Variants in TNRC18 observed in about 807,000 individuals in gnomAD.
TNRC18 encodes the protein trinucleotide repeat containing 18, also known as trinucleotide repeat-containing gene 18 protein.
A neutral mutation model predicts 226.7 loss-of-function variants in TNRC18; 69 were observed. The ratio of observed to expected loss-of-function variants is 0.30; its 90% CI spans 0.25 to 0.37. The LOEUF (loss-of-function observed/expected upper bound fraction) is 0.37. TNRC18 is among the 10% of genes least tolerant of loss of function. The probability of loss-of-function intolerance (pLI) is 1.00; values close to 1 mark genes in which losing one functional copy is unlikely to be tolerated. For synonymous variants in TNRC18, 2,449 were observed against 1,927.6 expected (o/e 1.27, Z -7.09); for missense variants, 4,754 against 4,256.6 (o/e 1.12, Z -3.25).
At chr7:5,382,699 G>A (rs1184416509) in intron 5 of TNRC18, among the ~76,000 whole-genome samples, 4 of 152,158 alleles carry the variant, frequency 2.6e-5, no homozygotes, top group Admixed American at 6.5e-5. Flanking sequence ...CCACCCTAGA[G>A]GTGATGGGCC....
Position 5,325,084 on chromosome 7 carries a change from G to T in TNRC18, c.6300+12C>A. 6.5e-7 allele frequency: 1 copy of T among 1,549,534 alleles called. No homozygotes were observed. The highest frequency in any genetic ancestry group is 8.7e-7 in the Non-Finnish European group (1 of 1,146,884). Reference sequence around the variant, plus strand: ...CCCCCACAGCCCCCAACCAGGGCACGGTGAGCCTCACCTCCTTCTTCACCT... The same window carrying T: ...CCCCCACAGCCCCCAACCAGGGCACTGTGAGCCTCACCTCCTTCTTCACCT... On this transcript the variant is annotated intron_variant, in intron 20 of 29. Transcript: ENST00000430969.
At chr7:5,420,596 G>A (rs1404064771) in intron 2 of TNRC18, 3 of 455,240 alleles carry the variant, frequency 6.6e-6, no homozygotes, top group East Asian at 1.4e-4. Context: ...CCAGGGACCC[G>A]GCTCGGCGCG....
chr7:5,312,996 G>A lies in TNRC18; in HGVS notation c.7895C>T (p.Ser2632Phe). Residue 2632 changes from serine (S) to phenylalanine (F), a missense_variant, in exon 27 of 30, where the codon TCT becomes TTT. By Grantham distance (155) the Ser-to-Phe change is radical. Coordinates refer to ENST00000430969, the MANE Select transcript of TNRC18 (RefSeq NM_001080495.3). The surrounding 1 kb of genome is among the most constrained non-coding windows in gnomAD (Gnocchi z 6.3). The part of the protein sequence containing the change: ...SSSSSSSSSS[S>F]SSSSSSSSSS... ...GGAGGAGGAAGAGGAGGAGGAGGAA[G>A]AGGAGGATGAGGAGGAGGAGGAGGA... The A allele has an allele frequency of 1.1e-6, 1 of 945,762 alleles. No individual in the cohort carries two copies. Among genetic ancestry groups the A allele is most frequent in the Non-Finnish European group, 1.6e-6 (1 of 624,522 alleles). 58.6% of individuals were successfully genotyped at this position (945,762 alleles called of 1,614,324 possible). A position where few individuals can be genotyped will look rare whatever the true frequency, so the allele number is the denominator to read the frequency against.
rs564314390 is a variant in TNRC18, at chr7:5,310,941, C to T, written c.8388+1562G>A. On this transcript the variant is annotated intron_variant, in intron 27 of 29. Transcript: ENST00000430969. ...ATGTGTGTGCACGTGTTCGTGTGTG[C>T]ACGTGTTTGTGTGTGTGCACGTGTA... Among the ~76,000 whole-genome samples, 792 of 150,872 alleles carry T rather than the reference C, an allele frequency of 5.2e-3. 7 individuals are homozygous for T. Among genetic ancestry groups the T allele is most frequent in the African/African-American group, 0.019 (762 of 40,370 alleles).
Position 5,313,553 on chromosome 7 carries a change from C to T in TNRC18, c.7338G>A (p.Ser2446=), listed in dbSNP as rs547054275. 33 of 1,608,588 alleles carry T rather than the reference C, an allele frequency of 2.1e-5. No homozygotes were observed. Among genetic ancestry groups the T allele is most frequent in the South Asian group, 6.6e-5 (6 of 90,476 alleles). Residue 2446 remains serine (S), a synonymous_variant, in exon 27 of 30, where the codon TCG becomes TCA. Coordinates refer to ENST00000430969, the MANE Select transcript of TNRC18 (RefSeq NM_001080495.3). ...KPKKARAAEE[S]GAKGPRRPGE... Reference sequence around the variant, plus strand: ...CCGGCCTCCGAGGGCCCTTGGCACCCGACTCCTCGGCTGCCCGCGCCTTCT... The same window carrying T: ...CCGGCCTCCGAGGGCCCTTGGCACCTGACTCCTCGGCTGCCCGCGCCTTCT...
intron 29 of TNRC18, 119 bp from the exon 30 acceptor site, chr7:5,308,431 C>A (rs1178354478): frequency 5.7e-5 from 52 of 911,524 alleles, no homozygotes; most frequent in Non-Finnish European, 7.6e-5. Flanking sequence ...AGACAGAGAC[C>A]AAGTCAGAGA....
At chr7:5,417,614 G>C (rs529105254) in intron 2 of TNRC18, among the ~76,000 whole-genome samples, 1 of 152,186 alleles carries the variant, frequency 6.6e-6, no homozygotes, top group Non-Finnish European at 1.5e-5. Flanking sequence ...GGACCCGAGC[G>C]GTGCCTGGCA....
intron 2 of TNRC18, among the ~76,000 whole-genome samples, chr7:5,396,985 A>G (rs1043074915): frequency 1.2e-4 from 19 of 152,182 alleles, no homozygotes; most frequent in African/African-American, 4.1e-4. Flanking sequence ...TGAGGCAAAG[A>G]AGGGCAGGGC....
chr7:5,374,616 C>G, intron 9 of TNRC18, 132 bp from the exon 10 acceptor site: 1 of 860,690 alleles, frequency 1.2e-6, no homozygotes, highest in Non-Finnish European at 1.7e-6. Flanking sequence ...TCCAGGCTGC[C>G]CACCCCGTCC....
intron 14 of TNRC18, among the ~76,000 whole-genome samples, chr7:5,360,628 C>T (rs1179125020): frequency 6.6e-6 from 1 of 152,122 alleles, no homozygotes; most frequent in African/African-American, 2.4e-5. Context: ...GACTCAAGAA[C>T]AGGAAATTTA....
At position 5,312,929 on chromosome 7, in the gene TNRC18, AGAG is replaced by A. The variant is rs764497304; in HGVS notation, c.7959_7961del (p.Ser2671del). On this transcript the variant is annotated inframe_deletion, in exon 27 of 30. Coordinates refer to ENST00000430969, the MANE Select transcript of TNRC18 (RefSeq NM_001080495.3). The surrounding 1 kb of genome is among the most constrained non-coding windows in gnomAD (Gnocchi z 6.3). Reference sequence around the variant, plus strand: ...AGGAGGAGGAGGATGAGGACGAGGAAGAGGAGGAGGAGGAAGAGGAGGAAGACG... The same window carrying A: ...AGGAGGAGGAGGATGAGGACGAGGAAGAGGAGGAGGAAGAGGAGGAAGACG... The A allele has an allele frequency of 2.2e-4, 310 of 1,421,758 alleles. No homozygotes were observed. The highest frequency in any genetic ancestry group is 3.6e-4 in the Admixed American group (17 of 46,872). 88.1% of individuals were successfully genotyped at this position (1,421,758 alleles called of 1,614,324 possible). A position where few individuals can be genotyped will look rare whatever the true frequency, so the allele number is the denominator to read the frequency against.
Position 5,313,697 on chromosome 7 carries a change from G to A in TNRC18, c.7194C>T (p.Pro2398=), listed in dbSNP as rs771259200. ...KARPAPPQPS[P]APPAFTSCPA... is the part of the protein sequence containing the mutation. The stretch of plus-strand genomic sequence containing the variant: ...GGCAGCTGGTGAAGGCGGGTGGTGC[G>A]GGACTGGGCTGCGGCGGTGCCGGGC... Residue 2398 remains proline (P), a synonymous_variant, in exon 27 of 30, where the codon CCC becomes CCT. Transcript: ENST00000430969. 3.1e-5 allele frequency: 50 copies of A among 1,600,772 alleles called. No individual in the cohort carries two copies. Among genetic ancestry groups the A allele is most frequent in the Middle Eastern group, 4.5e-4 (2 of 4,452 alleles).
At chr7:5,354,832 G>A (rs1237223306) in intron 16 of TNRC18, among the ~76,000 whole-genome samples, 2 of 152,138 alleles carry the variant, frequency 1.3e-5, no homozygotes, top group East Asian at 3.9e-4. Context: ...GGCCCCCAAC[G>A]ACCCCGTAAA....
At chr7:5,409,433 G>C (rs918446307) in intron 2 of TNRC18, among the ~76,000 whole-genome samples, 1 of 151,612 alleles carries the variant, frequency 6.6e-6, no homozygotes, top group Non-Finnish European at 1.5e-5. Flanking sequence ...AATTAAATTC[G>C]ACAAAAACTA....
chr7:5,362,409 G>C (rs1793146138), intron 12 of TNRC18, among the ~76,000 whole-genome samples: 1 of 152,166 alleles, frequency 6.6e-6, no homozygotes, highest in African/African-American at 2.4e-5. Context: ...TCTGTTTCCA[G>C]TGGATCACAC....
rs759027890 is a variant in TNRC18, at chr7:5,405,300, G to A, written c.188-10705C>T. Among the ~76,000 whole-genome samples the A allele has an allele frequency of 3.4e-4, 52 of 151,956 alleles. 1 individual carries two copies. The highest frequency in any genetic ancestry group is 5.9e-4 in the Admixed American group (9 of 15,262). On this transcript the variant is annotated intron_variant, in intron 2 of 29. Coordinates refer to ENST00000430969, the MANE Select transcript of TNRC18 (RefSeq NM_001080495.3). ...AAAGTTAGCCAAGGCTAGGCACTGC[G>A]GCTCACACATGTAATACCAACACTT...
Position 5,393,419 on chromosome 7 carries a change from G to A in TNRC18, c.343+1021C>T, listed in dbSNP as rs1185208182. Reference sequence around the variant, plus strand: ...TGGATGGGGTCCTGTGACTAGAGACGCCTCTGGCTGAACCTGTCTCCTCCT... The same window carrying A: ...TGGATGGGGTCCTGTGACTAGAGACACCTCTGGCTGAACCTGTCTCCTCCT... On this transcript the variant is annotated intron_variant, in intron 3 of 29. Transcript: ENST00000430969. Among the ~76,000 whole-genome samples the A allele has an allele frequency of 3.9e-5, 6 of 152,368 alleles. 1 individual carries two copies. The highest frequency in any genetic ancestry group is 3.9e-4 in the East Asian group (2 of 5,190).
chr7:5,364,195 G>T (rs912885861), intron 11 of TNRC18, among the ~76,000 whole-genome samples: 1 of 151,914 alleles, frequency 6.6e-6, no homozygotes, highest in Non-Finnish European at 1.5e-5. Context: ...GCTATTCGGG[G>T]GTTGAGGCAT....
At chr7:5,415,701 A>G (rs571730018) in intron 2 of TNRC18, among the ~76,000 whole-genome samples, 2 of 151,820 alleles carry the variant, frequency 1.3e-5, no homozygotes, top group East Asian at 3.9e-4. Flanking sequence ...TCCACGGTGT[A>G]GTTTTACATT....
Sources: gnomAD v4.1 joint callset for allele counts (sites outside exome capture counted in the v4.1 genomes callset) on GRCh38, gnomAD v4.1.1 for gene constraint, Gnocchi (gnomAD v3.1) non-coding constraint, MANE v1.5 for transcripts, NCBI Gene and HGNC (gene_info 2026-07-23, HGNC 2026-07-21) for gene names.